Variants in NAA25 observed in about 807,000 individuals in gnomAD.
NAA25 encodes the protein N-terminal acetyltransferase B complex subunit NAA25.
Under a neutral mutation model 132.5 loss-of-function variants are expected in NAA25, and 30 were observed. The ratio of observed to expected loss-of-function variants is 0.23; its 90% CI spans 0.17 to 0.31. NAA25 has a LOEUF of 0.31. Ranked by LOEUF, NAA25 falls within the 10% of genes least tolerant of loss-of-function variation. The pLI is 1.00. For missense variants in NAA25, 771 were observed against 1,150.4 expected (o/e 0.67, Z 4.77); for synonymous variants, 359 against 401.9 (o/e 0.89, Z 1.28).
chr12:112,090,083 G>A (rs1033619058), intron 3 of NAA25, among the ~76,000 whole-genome samples: 4 of 151,794 alleles, frequency 2.6e-5, no homozygotes, highest in Non-Finnish European at 5.9e-5. Flanking sequence ...TGCCAGCCTC[G>A]GCCATCCAAA....
chr12:112,063,643 A>G (rs1227212985), intron 11 of NAA25, among the ~76,000 whole-genome samples: 1 of 152,162 alleles, frequency 6.6e-6, no homozygotes, highest in Non-Finnish European at 1.5e-5. Flanking sequence ...ACAAAATCTC[A>G]TGTTTTATCC....
intron 19 of NAA25, 21 bp downstream of exon 19, chr12:112,043,066 TA>T: frequency 6.4e-7 from 1 of 1,573,646 alleles, no homozygotes; most frequent in East Asian, 2.3e-5. Flanking sequence ...AAAGACCCTA[TA>T]AACACACAGT....
intron 22 of NAA25, chr12:112,033,738 T>G (rs1046918985): frequency 1.9e-5 from 3 of 154,946 alleles, no homozygotes; most frequent in African/African-American, 7.3e-5. Flanking sequence ...TTAAAAATAT[T>G]ACTACATTGA....
At chr12:112,082,148 G>A (rs180767950) in intron 4 of NAA25, among the ~76,000 whole-genome samples, 93 of 152,238 alleles carry the variant, frequency 6.1e-4, no homozygotes, top group African/African-American at 2.2e-3. Context: ...CTACTTGGGA[G>A]GCTAAGACAG....
intron 11 of NAA25, among the ~76,000 whole-genome samples, chr12:112,063,321 A>G (rs901670505): frequency 6.6e-6 from 1 of 152,218 alleles, no homozygotes; most frequent in Non-Finnish European, 1.5e-5. Context: ...AATAGAATAT[A>G]TTAATTTCTA....
intron 3 of NAA25, among the ~76,000 whole-genome samples, chr12:112,089,137 G>A (rs1408736863): frequency 2.0e-5 from 3 of 152,068 alleles, no homozygotes; most frequent in East Asian, 1.9e-4. Context: ...ACAGTGCCTC[G>A]TGCCTATAAT....
At chr12:112,038,850 G>C (rs761572254) in intron 22 of NAA25, among the ~76,000 whole-genome samples, 38 of 152,208 alleles carry the variant, frequency 2.5e-4, no homozygotes, top group Non-Finnish European at 5.1e-4. Context: ...GTGGTGGCAG[G>C]CGCCTGTAAT....
At chr12:112,100,506 G>A (rs1428124476) in intron 1 of NAA25, among the ~76,000 whole-genome samples, 1 of 151,462 alleles carries the variant, frequency 6.6e-6, no homozygotes, top group African/African-American at 2.4e-5. Context: ...ACAGTATTCA[G>A]AGCTATCTTT....
chr12:112,071,728 ATAAAGGAC>A (rs1224152964), intron 10 of NAA25, among the ~76,000 whole-genome samples, 159 bp downstream of exon 10: 1 of 152,198 alleles, frequency 6.6e-6, no homozygotes, highest in East Asian at 1.9e-4. Flanking sequence ...TGAATATATG[ATAAAGGAC>A]TAATTTTATA....
At chr12:112,047,537 TA>T in intron 17 of NAA25, 127 bp downstream of exon 17, 1 of 1,197,766 alleles carries the variant, frequency 8.3e-7, no homozygotes, top group Non-Finnish European at 1.2e-6. Context: ...CAGCCCAACC[TA>T]ATTCTTTAAA....
chr12:112,057,488 G>T (rs982441009), intron 13 of NAA25, among the ~76,000 whole-genome samples: 1 of 152,144 alleles, frequency 6.6e-6, no homozygotes, highest in Non-Finnish European at 1.5e-5. Flanking sequence ...GCAGCCTCAT[G>T]AATCTAGGGG....
chr12:112,078,738 T>G lies in NAA25; in HGVS notation c.481A>C (p.Ile161Leu). The change falls in exon 6 of 24, where the codon ATA becomes CTA. Residue 161 changes from isoleucine (I) to leucine (L), a missense_variant. Coordinates refer to ENST00000261745, the MANE Select transcript of NAA25 (RefSeq NM_024953.4). Reference sequence around the variant, plus strand: ...GAGAGGTTTTCATCCTGTGCCGATATAGACTGAAAGAAGAAAAATAATGTT... The same window carrying G: ...GAGAGGTTTTCATCCTGTGCCGATAGAGACTGAAAGAAGAAAAATAATGTT... ...WSVMSLIMQS[I>L]SAQDENLSKT... 1 of 1,611,294 alleles carries G rather than the reference T, an allele frequency of 6.2e-7. No homozygotes were observed.
At chr12:112,104,796 A>C (rs1202346069) in intron 1 of NAA25, among the ~76,000 whole-genome samples, 1 of 151,704 alleles carries the variant, frequency 6.6e-6, no homozygotes, top group Non-Finnish European at 1.5e-5. Flanking sequence ...AGATCACGCC[A>C]CTGCACCCCA....
rs1383066574 is a variant in NAA25, at chr12:112,090,798, C to A, written c.211G>T (p.Val71Leu). ...QEEAFTLAQE[V>L]AALEPTDDNS... ...TCATCTGTGGGTTCAAGGGCTGCCA[C>A]CTCCTGTGCAAGAGTAAAGGCTTCC... Residue 71 changes from valine to leucine, a missense_variant, in exon 3 of 24, where the codon GTG becomes TTG. Around this residue, in one of 3 missense-constraint regions of NAA25, gnomAD observed 417 missense variants for 733.8 expected, o/e 0.57. Coordinates refer to ENST00000261745, the MANE Select transcript of NAA25 (RefSeq NM_024953.4). 6.2e-7 allele frequency: 1 copy of A among 1,613,962 alleles called. No individual in the cohort carries two copies. Among genetic ancestry groups the A allele is most frequent in the Admixed American group, 1.7e-5 (1 of 59,970 alleles).
intron 10 of NAA25, among the ~76,000 whole-genome samples, chr12:112,069,486 G>T (rs1056935841): frequency 6.6e-6 from 1 of 152,084 alleles, no homozygotes; most frequent in Admixed American, 6.6e-5. Flanking sequence ...CTGAGCAACA[G>T]AGCAAGACTC....
At position 112,026,986 on chromosome 12, in the gene NAA25, A is replaced by G. The variant is rs2078094990; in HGVS notation, c.*2545T>C. ...GGGCAACACAACTAGGCATTTGTACATTTTCCATTATGTGGAGAACACTAC... is the reference window on the plus strand; with the variant it reads ...GGGCAACACAACTAGGCATTTGTACGTTTTCCATTATGTGGAGAACACTAC... On this transcript the variant is annotated 3_prime_UTR_variant, in exon 24 of 24. Coordinates refer to ENST00000261745, the MANE Select transcript of NAA25 (RefSeq NM_024953.4). 1 of 152,628 alleles carries G rather than the reference A, an allele frequency of 6.6e-6. No homozygotes were observed. The highest frequency in any genetic ancestry group is 2.4e-5 in the African/African-American group (1 of 41,472). The allele number at this position is 152,628 out of a possible 1,614,324, so 9.5% of individuals were successfully genotyped here.
chr12:112,067,274 G>A (rs982377443), intron 11 of NAA25, among the ~76,000 whole-genome samples: 1 of 152,128 alleles, frequency 6.6e-6, no homozygotes, highest in African/African-American at 2.4e-5. Flanking sequence ...TAAACTTTGT[G>A]CTGCAGAATT....
At chr12:112,052,702 C>T (rs1390859207) in intron 15 of NAA25, among the ~76,000 whole-genome samples, 1 of 152,148 alleles carries the variant, frequency 6.6e-6, no homozygotes, top group Non-Finnish European at 1.5e-5. Flanking sequence ...AAAAAAAATC[C>T]TCACGAGTGT....
At chr12:112,041,151 T>TG (rs569524042) in intron 20 of NAA25, among the ~76,000 whole-genome samples, 14 of 150,024 alleles carry the variant, frequency 9.3e-5, no homozygotes, top group Admixed American at 6.0e-4. Context: ...CCTCATTTCT[T>TG]GGGGGGAAAA....
Sources: gnomAD v4.1 joint callset for allele counts (sites outside exome capture counted in the v4.1 genomes callset) on GRCh38, gnomAD v4.1.1 for gene constraint, gnomAD v4.1.1 regional missense constraint, MANE v1.5 for transcripts, NCBI Gene and HGNC (gene_info 2026-07-23, HGNC 2026-07-21) for gene names.